The following NTM variants were observed in gnomAD, a reference collection of about 807,000 sequenced individuals.
NTM encodes the protein neurotrimin, also known as IgLON family member 2.
In NTM, 13 loss-of-function variants were observed where a neutral mutation model predicts 42.1. The observed-to-expected ratio is 0.31, with a 90% CI of 0.20 to 0.49. NTM has a LOEUF of 0.49. Among genes scored for constraint, NTM ranks in the 20% least tolerant of loss-of-function variants. The pLI, the probability that NTM is intolerant of heterozygous loss-of-function variation, is 0.99. For missense variants in NTM, 373 were observed against 452.8 expected (o/e 0.82, Z 1.60); for synonymous variants, 187 against 179.2 (o/e 1.04, Z -0.35).
intron 2 of NTM, among the ~76,000 whole-genome samples, chr11:131,965,692 C>G (rs2062748566): frequency 1.3e-5 from 2 of 152,118 alleles, no homozygotes; most frequent in African/African-American, 4.8e-5. Context: ...AAGCATCTTT[C>G]AACTCTTGTC....
At chr11:131,937,087 G>A (rs2134163301) in intron 2 of NTM, among the ~76,000 whole-genome samples, 1 of 152,326 alleles carries the variant, frequency 6.6e-6, no homozygotes, top group South Asian at 2.1e-4. Flanking sequence ...AAGAAAGGAA[G>A]CAGGAGGGAA....
At chr11:132,318,200 C>T (rs1265553009) in intron 7 of NTM, among the ~76,000 whole-genome samples, 1 of 152,176 alleles carries the variant, frequency 6.6e-6, no homozygotes, top group Non-Finnish European at 1.5e-5. Flanking sequence ...AGGGGTGCTA[C>T]TGGGGTCCAG....
intron 1 of NTM, among the ~76,000 whole-genome samples, chr11:131,468,382 G>A (rs1163721077): frequency 2.0e-5 from 3 of 152,220 alleles, no homozygotes; most frequent in Admixed American, 1.3e-4. Context: ...TGCAGCATGA[G>A]CCTCATGTTA....
At chr11:132,085,870 A>C (rs1186215982) in intron 2 of NTM, among the ~76,000 whole-genome samples, 1 of 152,192 alleles carries the variant, frequency 6.6e-6, no homozygotes, top group Non-Finnish European at 1.5e-5. Flanking sequence ...TGGAAGACAA[A>C]ACATATTTTG....
chr11:131,473,185 C>G (rs1243953492), intron 1 of NTM, among the ~76,000 whole-genome samples: 1 of 152,120 alleles, frequency 6.6e-6, no homozygotes, highest in Non-Finnish European at 1.5e-5. Context: ...CCTCTCACCC[C>G]TCATTATTTG....
intron 1 of NTM, among the ~76,000 whole-genome samples, chr11:131,673,572 T>C (rs1417804472): frequency 1.3e-5 from 2 of 152,236 alleles, no homozygotes; most frequent in Non-Finnish European, 2.9e-5. Flanking sequence ...TGCCAGACAG[T>C]GACGTGATAC....
At chr11:131,413,657 G>A (rs1011691401) in intron 1 of NTM, among the ~76,000 whole-genome samples, 5 of 152,206 alleles carry the variant, frequency 3.3e-5, no homozygotes, top group African/African-American at 1.2e-4. Flanking sequence ...CAGGCACACA[G>A]ACAGTTGGGT....
At chr11:132,042,272 G>A (rs376533911) in intron 2 of NTM, among the ~76,000 whole-genome samples, 1 of 152,076 alleles carries the variant, frequency 6.6e-6, no homozygotes, top group African/African-American at 2.4e-5. Context: ...TGAGAGCTGT[G>A]CCCCATGTAT....
chr11:131,672,430 C>T (rs1167011774), intron 1 of NTM, among the ~76,000 whole-genome samples: 4 of 152,158 alleles, frequency 2.6e-5, no homozygotes, highest in Non-Finnish European at 5.9e-5. Context: ...TTTGGATGAG[C>T]GCTGTGTGGC....
At chr11:131,631,804 CT>C (rs1296503872) in intron 1 of NTM, among the ~76,000 whole-genome samples, 1 of 152,186 alleles carries the variant, frequency 6.6e-6, no homozygotes, top group Non-Finnish European at 1.5e-5. Context: ...GGCAACTCGG[CT>C]GCCGTAATGT....
chr11:132,182,995 G>A (rs1451520510), intron 3 of NTM, among the ~76,000 whole-genome samples: 1 of 152,054 alleles, frequency 6.6e-6, no homozygotes, highest in African/African-American at 2.4e-5. Context: ...GCCTTTCTTT[G>A]CATTTTCCTC....
intron 8 of NTM, among the ~76,000 whole-genome samples, chr11:132,334,559 C>T (rs1210512959): frequency 1.3e-5 from 2 of 152,196 alleles, no homozygotes; most frequent in Non-Finnish European, 2.9e-5. Flanking sequence ...GCAGAAGCAG[C>T]AGGCAGACAC....
At chr11:132,271,950 AT>A (rs2093499462) in intron 4 of NTM, among the ~76,000 whole-genome samples, 1 of 152,086 alleles carries the variant, frequency 6.6e-6, no homozygotes, top group African/African-American at 2.4e-5. Flanking sequence ...GAAACAAATC[AT>A]TTCCATAGGA....
intron 2 of NTM, among the ~76,000 whole-genome samples, chr11:132,026,250 T>G (rs2075160044): frequency 6.6e-6 from 1 of 152,200 alleles, no homozygotes; most frequent in African/African-American, 2.4e-5. Context: ...CAGTAAGAGC[T>G]TAGTGTATTC....
chr11:131,587,391 T>A (rs1446366291), intron 1 of NTM, among the ~76,000 whole-genome samples: 2 of 151,108 alleles, frequency 1.3e-5, no homozygotes, highest in Non-Finnish European at 2.9e-5. Flanking sequence ...GAGCTTGCAG[T>A]GAGCAGAGAT....
intron 1 of NTM, among the ~76,000 whole-genome samples, chr11:131,383,993 G>A (rs776439873): frequency 2.0e-5 from 3 of 152,128 alleles, no homozygotes; most frequent in Admixed American, 6.5e-5. Flanking sequence ...GGAGATGGAC[G>A]GGGAAGAAGA....
chr11:131,573,364 G>A (rs1054804859), intron 1 of NTM, among the ~76,000 whole-genome samples: 1 of 152,176 alleles, frequency 6.6e-6, no homozygotes, highest in Non-Finnish European at 1.5e-5. Context: ...GAAAAGTCTT[G>A]CATAAAGTGC....
At chr11:131,416,596 A>C (rs1946984007) in intron 1 of NTM, among the ~76,000 whole-genome samples, 1 of 152,184 alleles carries the variant, frequency 6.6e-6, no homozygotes, top group Admixed American at 6.5e-5. Context: ...ACACAGTTAG[A>C]CTCAATAAAC....
intron 1 of NTM, among the ~76,000 whole-genome samples, chr11:131,715,599 G>T (rs1187435463): frequency 1.3e-5 from 2 of 152,122 alleles, no homozygotes; most frequent in Non-Finnish European, 2.9e-5. Flanking sequence ...CAATCCAAAA[G>T]TTTCCTCATT....
Sources: gnomAD v4.1 joint callset for allele counts (sites outside exome capture counted in the v4.1 genomes callset) on GRCh38, gnomAD v4.1.1 for gene constraint, MANE v1.5 for transcripts, NCBI Gene and HGNC (gene_info 2026-07-23, HGNC 2026-07-21) for gene names.